Variants in RAB6A observed in about 807,000 individuals in gnomAD.
RAB6A encodes the protein RAB6A, member RAS oncogene family.
In RAB6A, 8 loss-of-function variants were observed where a neutral mutation model predicts 32.3. The observed-to-expected ratio is 0.25, with a 90% confidence interval of 0.15 to 0.45. The LOEUF (loss-of-function observed/expected upper bound fraction) is 0.45. Ranked by LOEUF, RAB6A falls within the 20% of genes least tolerant of loss-of-function variation. RAB6A has a pLI of 1.00. For synonymous variants in RAB6A, 73 were observed against 82.1 expected, an observed-to-expected ratio of 0.89 and a Z score of 0.60; for missense variants, 104 against 249.4, an observed-to-expected ratio of 0.42 and a Z score of 3.93.
chr11:73,739,824 G>C (rs181201938), intron 1 of RAB6A, among the ~76,000 whole-genome samples: 1 of 151,896 alleles, frequency 6.6e-6, no homozygotes, highest in Non-Finnish European at 1.5e-5. Context: ...TGGGAGGCCC[G>C]GGCGGGCAGA....
intron 2 of RAB6A, among the ~76,000 whole-genome samples, chr11:73,725,662 C>T (rs1437195188): frequency 1.3e-5 from 2 of 152,046 alleles, no homozygotes; most frequent in Non-Finnish European, 2.9e-5. Context: ...GGGAAACCAC[C>T]CCCAATGATT....
rs1053300652 is a variant in RAB6A, at chr11:73,746,052, T to G, written c.70+14514A>C. Among the ~76,000 whole-genome samples the G allele has an allele frequency of 4.0e-5, 6 of 151,414 alleles. No homozygotes were observed. In the East Asian group the frequency reaches 5.8e-4, roughly 15 times the overall value. On this transcript the variant is annotated intron_variant, in intron 1 of 7. Coordinates refer to ENST00000336083, the MANE Select transcript of RAB6A (RefSeq NM_198896.2). ...TACAAAACAATGAAGATCAGTCAAG[T>G]GCAGAGTTCGCACCAGTAGTCCCAG... is the stretch of plus-strand genomic sequence containing the variant.
intron 1 of RAB6A, among the ~76,000 whole-genome samples, chr11:73,751,950 C>T (rs979797009): frequency 6.6e-6 from 1 of 152,050 alleles, no homozygotes; most frequent in South Asian, 2.1e-4. Context: ...AAAACAAAAA[C>T]AAAAACACAA....
At chr11:73,691,512 A>G (rs953550942) in intron 6 of RAB6A, among the ~76,000 whole-genome samples, 3 of 152,218 alleles carry the variant, frequency 2.0e-5, no homozygotes, top group African/African-American at 7.2e-5. Context: ...TGATTGTAAT[A>G]GCCTATTTTT....
At chr11:73,698,170 G>A (rs910515673) in intron 6 of RAB6A, among the ~76,000 whole-genome samples, 1 of 152,116 alleles carries the variant, frequency 6.6e-6, no homozygotes, top group African/African-American at 2.4e-5. Flanking sequence ...GCAGTGAGCC[G>A]AGATTGTGCC....
intron 6 of RAB6A, among the ~76,000 whole-genome samples, chr11:73,690,337 C>A (rs1173052739): frequency 6.6e-6 from 1 of 152,182 alleles, no homozygotes; most frequent in Non-Finnish European, 1.5e-5. Context: ...TCCTTAAAAG[C>A]TTCTCTAACT....
chr11:73,719,160 T>G (rs546657063), intron 3 of RAB6A, among the ~76,000 whole-genome samples: 2 of 152,294 alleles, frequency 1.3e-5, no homozygotes, highest in African/African-American at 4.8e-5. Flanking sequence ...CTTCCCTTTT[T>G]CCCTACCTAA....
chr11:73,722,802 T>G (rs1301773668), intron 2 of RAB6A: 2 of 151,842 alleles, frequency 1.3e-5, no homozygotes, highest in African/African-American at 4.8e-5. Flanking sequence ...CGTTCATCGA[T>G]TATTTATTTA....
chr11:73,749,474 C>A (rs749154935), intron 1 of RAB6A, among the ~76,000 whole-genome samples: 1 of 152,102 alleles, frequency 6.6e-6, no homozygotes, highest in Non-Finnish European at 1.5e-5. Flanking sequence ...TCCATGCAAC[C>A]AAACACCCAC....
intron 1 of RAB6A, among the ~76,000 whole-genome samples, chr11:73,732,046 A>AT (rs1294812107): frequency 6.6e-6 from 1 of 151,692 alleles, no homozygotes; most frequent in Non-Finnish European, 1.5e-5. Context: ...GACTGTATTG[A>AT]TATTTTTAGG....
intron 6 of RAB6A, 52 bp from the exon 7 acceptor site, chr11:73,679,772 T>C: frequency 6.2e-7 from 1 of 1,605,244 alleles, no homozygotes; most frequent in Non-Finnish European, 8.5e-7. Flanking sequence ...TAGCAAAGGG[T>C]ACTGAGGTTT....
At chr11:73,722,339 A>AT (rs1946153350) in intron 2 of RAB6A, 21 of 10,656 alleles carry the variant, frequency 2.0e-3, no homozygotes, top group African/African-American at 4.3e-3. Context: ...ATATATATAT[A>AT]TATATTTTTT....
Position 73,707,605 on chromosome 11 carries a change from A to G in RAB6A, c.402-92T>C, listed in dbSNP as rs1019878418. On this transcript the variant is annotated intron_variant, in intron 5 of 7. Coordinates refer to ENST00000336083, the MANE Select transcript of RAB6A (RefSeq NM_198896.2). Reference sequence around the variant, plus strand: ...AGCTCTGAAAATAACTTTCCTTGATATAAGGACTGGTTATACAGGTCACAT... The same window carrying G: ...AGCTCTGAAAATAACTTTCCTTGATGTAAGGACTGGTTATACAGGTCACAT... 16 of 908,436 alleles carry G rather than the reference A, an allele frequency of 1.8e-5. No individual in the cohort carries two copies. The African/African-American group carries it at 2.2e-4, about 12-fold the overall frequency. 56.3% of individuals were successfully genotyped at this position (908,436 alleles called of 1,614,324 possible). A position where few individuals can be genotyped will look rare whatever the true frequency, so the allele number is the denominator to read the frequency against.
chr11:73,735,476 A>G (rs1355189796), intron 1 of RAB6A, among the ~76,000 whole-genome samples: 1 of 152,202 alleles, frequency 6.6e-6, no homozygotes, highest in African/African-American at 2.4e-5. Context: ...CAGAGTGATA[A>G]AAAGTACAAG....
At chr11:73,749,559 A>T (rs1039528912) in intron 1 of RAB6A, among the ~76,000 whole-genome samples, 1 of 152,074 alleles carries the variant, frequency 6.6e-6, no homozygotes, top group African/African-American at 2.4e-5. Context: ...AGAAACCAAA[A>T]TAGGCTGGGC....
At chr11:73,724,823 TAATA>T (rs1408945684) in intron 2 of RAB6A, among the ~76,000 whole-genome samples, 1 of 152,198 alleles carries the variant, frequency 6.6e-6, no homozygotes, top group African/African-American at 2.4e-5. Context: ...TTGACTAGAT[TAATA>T]AATTATTTGA....
Position 73,732,779 on chromosome 11 carries a change from A to T in RAB6A, c.71-1956T>A, listed in dbSNP as rs146886188. ...TGTCTCAAAGCAAACAAACAAACAG[A>T]TCTGTTCAGGCAGCTATCCTTTCTC... is the stretch of plus-strand genomic sequence containing the variant. On this transcript the variant is annotated intron_variant, in intron 1 of 7. Transcript: ENST00000336083. 2.8e-4 allele frequency among the ~76,000 whole-genome samples: 42 copies of T among 151,628 alleles called. 1 individual carries two copies. The East Asian group carries it at 7.4e-3, about 27-fold the overall frequency.
rs919286233 is a variant in RAB6A, at chr11:73,748,518, A to G, written c.70+12048T>C. Reference sequence around the variant, plus strand: ...CAGAGTGAGACCTTGTCTCTAAAAAATAAATAGACACATAAAATAACCCAC... The same window carrying G: ...CAGAGTGAGACCTTGTCTCTAAAAAGTAAATAGACACATAAAATAACCCAC... On this transcript the variant is annotated intron_variant, in intron 1 of 7. Transcript: ENST00000336083. 3.9e-5 allele frequency among the ~76,000 whole-genome samples: 6 copies of G among 152,322 alleles called. No homozygotes were observed. In the East Asian group the frequency reaches 1.2e-3, roughly 29 times the overall value.
intron 6 of RAB6A, 149 bp downstream of exon 6, chr11:73,707,271 C>A (rs1174007531): frequency 2.1e-5 from 12 of 560,268 alleles, no homozygotes; most frequent in Non-Finnish European, 3.4e-5. Flanking sequence ...AAAAACTATG[C>A]CACATTTATA....
Sources: allele counts gnomAD v4.1 joint callset (sites outside exome capture counted in the v4.1 genomes callset), GRCh38; gene constraint gnomAD v4.1.1; transcripts MANE v1.5; gene names NCBI Gene and HGNC (gene_info 2026-07-23, HGNC 2026-07-21).